SLC10A7: variants seen among roughly 807,000 people sequenced by gnomAD.
The protein encoded by SLC10A7 is sodium/bile acid cotransporter 7.
In SLC10A7, 29 loss-of-function variants were observed where a neutral mutation model predicts 43.2. The ratio of observed to expected loss-of-function variants is 0.67; its 90% CI spans 0.50 to 0.92. SLC10A7 has a LOEUF of 0.92. SLC10A7 is among the 40% of genes least tolerant of loss of function. SLC10A7 has a pLI of 0.00. For missense variants in SLC10A7, 295 were observed against 403.2 expected (o/e 0.73, Z 2.30); for synonymous variants, 152 against 144.8 (o/e 1.05, Z -0.35).
At chr4:146,275,535 T>C (rs1051757461) in intron 10 of SLC10A7, among the ~76,000 whole-genome samples, 2 of 152,160 alleles carry the variant, frequency 1.3e-5, no homozygotes, top group Non-Finnish European at 2.9e-5. Context: ...ACTTGGGAAC[T>C]TCCCTTATCT....
At chr4:146,508,013 G>A (rs894703515) in intron 3 of SLC10A7, among the ~76,000 whole-genome samples, 3 of 152,074 alleles carry the variant, frequency 2.0e-5, no homozygotes, top group African/African-American at 4.8e-5. Flanking sequence ...GTTGTTATTC[G>A]CTTGTTGAGC....
intron 5 of SLC10A7, among the ~76,000 whole-genome samples, chr4:146,352,885 C>A (rs1399223659): frequency 7.0e-6 from 1 of 143,400 alleles, no homozygotes; most frequent in Non-Finnish European, 1.5e-5. Context: ...GCATTCAAAG[C>A]AGTGTATAGA....
chr4:146,343,171 G>C (rs1028822938), intron 5 of SLC10A7, among the ~76,000 whole-genome samples: 2 of 151,892 alleles, frequency 1.3e-5, no homozygotes, highest in Non-Finnish European at 2.9e-5. Context: ...TTTTCTATTA[G>C]GTGATTTCTT....
intron 6 of SLC10A7, among the ~76,000 whole-genome samples, chr4:146,314,805 CAA>C (rs1210451184): frequency 2.0e-5 from 3 of 152,094 alleles, no homozygotes; most frequent in Non-Finnish European, 4.4e-5. Context: ...GGTAAAAACT[CAA>C]AGTGTTACTG....
rs1336562213 is a variant in SLC10A7, at chr4:146,350,950, C to A, written c.436-24954G>T. On this transcript the variant is annotated intron_variant, in intron 5 of 11. Transcript: ENST00000335472. The stretch of plus-strand genomic sequence containing the variant: ...ATGGGGAAAAAACAGAACAGAAAAA[C>A]TGGAAACTCTAAAACGCAGAGCGCC... 1.7e-3 allele frequency among the ~76,000 whole-genome samples: 244 copies of A among 147,792 alleles called. 2 individuals are homozygous for A. The highest frequency in any genetic ancestry group is 3.3e-3 in the African/African-American group (129 of 38,890).
intron 9 of SLC10A7, among the ~76,000 whole-genome samples, chr4:146,288,090 C>T (rs929840993): frequency 3.9e-5 from 6 of 152,168 alleles, no homozygotes; most frequent in Non-Finnish European, 8.8e-5. Flanking sequence ...GCTCATTGCT[C>T]TCAGTAACAC....
intron 5 of SLC10A7, among the ~76,000 whole-genome samples, chr4:146,337,714 T>C (rs1008302296): frequency 1.5e-4 from 23 of 151,820 alleles, no homozygotes; most frequent in African/African-American, 5.3e-4. Flanking sequence ...AAGAGGCTTA[T>C]AGAGACTAAC....
chr4:146,516,754 A>AT (rs896309113), intron 2 of SLC10A7, among the ~76,000 whole-genome samples: 2 of 152,116 alleles, frequency 1.3e-5, no homozygotes, highest in African/African-American at 4.8e-5. Context: ...AGTTACCACC[A>AT]TAAGTTGAGG....
chr4:146,468,958 A>G (rs1445800127), intron 4 of SLC10A7, among the ~76,000 whole-genome samples: 1 of 152,028 alleles, frequency 6.6e-6, no homozygotes, highest in Non-Finnish European at 1.5e-5. Flanking sequence ...CTCGGGGAAA[A>G]CCAAACTTGT....
chr4:146,355,086 T>A (rs1253448393), intron 5 of SLC10A7, among the ~76,000 whole-genome samples: 1 of 145,190 alleles, frequency 6.9e-6, no homozygotes, highest in Non-Finnish European at 1.5e-5. Context: ...GAAACTACCA[T>A]CAGAGTGAAC....
At chr4:146,346,473 A>C (rs1734631111) in intron 5 of SLC10A7, among the ~76,000 whole-genome samples, 1 of 152,152 alleles carries the variant, frequency 6.6e-6, no homozygotes, top group South Asian at 2.1e-4. Flanking sequence ...AAAACCTTTG[A>C]TCTTCTGAGA....
chr4:146,319,800 T>A (rs1177438532), intron 6 of SLC10A7, among the ~76,000 whole-genome samples: 2 of 151,844 alleles, frequency 1.3e-5, no homozygotes, highest in Non-Finnish European at 2.9e-5. Context: ...AATAATCCAG[T>A]AGAGAGAGAA....
At chr4:146,473,543 T>C (rs1300809893) in intron 4 of SLC10A7, among the ~76,000 whole-genome samples, 1 of 152,184 alleles carries the variant, frequency 6.6e-6, no homozygotes, top group Non-Finnish European at 1.5e-5. Flanking sequence ...GTGAATTAAA[T>C]ATAGTCTCAT....
intron 5 of SLC10A7, among the ~76,000 whole-genome samples, chr4:146,370,068 A>C (rs188506589): frequency 6.6e-6 from 1 of 152,276 alleles, no homozygotes; most frequent in Admixed American, 6.5e-5. Flanking sequence ...AATCAATTAA[A>C]ATAAAGTCAG....
intron 10 of SLC10A7, among the ~76,000 whole-genome samples, chr4:146,276,774 G>A (rs548309924): frequency 2.7e-4 from 41 of 151,946 alleles, no homozygotes; most frequent in African/African-American, 9.6e-4. Context: ...ACATAACGAA[G>A]CCCCCGTCTC....
intron 5 of SLC10A7, among the ~76,000 whole-genome samples, chr4:146,349,670 T>C (rs1444380102): frequency 2.0e-5 from 3 of 152,228 alleles, no homozygotes; most frequent in Non-Finnish European, 2.9e-5. Flanking sequence ...TATAGAATAC[T>C]ATGCAGCCAT....
intron 4 of SLC10A7, chr4:146,477,844 G>T (rs1275642430): frequency 6.6e-6 from 1 of 152,144 alleles, no homozygotes; most frequent in Non-Finnish European, 1.5e-5. Flanking sequence ...CCTAACTATT[G>T]ATGTATAATT....
At chr4:146,433,038 A>C (rs1026983339) in intron 5 of SLC10A7, among the ~76,000 whole-genome samples, 15 of 148,516 alleles carry the variant, frequency 1.0e-4, no homozygotes, top group African/African-American at 3.7e-4. Context: ...ACTCTGTCTC[A>C]AAAAAAAATC....
chr4:146,503,935 A>G lies in SLC10A7; in HGVS notation c.321-11T>C. On this transcript the variant is annotated splice_polypyrimidine_tract_variant and intron_variant, in intron 3 of 11. Coordinates refer to ENST00000335472, the MANE Select transcript of SLC10A7 (RefSeq NM_001029998.6). The stretch of plus-strand genomic sequence containing the variant: ...CCTACTGTCTGCAAACTGAAAAATA[A>G]AAGAAAATCCAACTATAAATAATTT... The G allele has an allele frequency of 2.5e-6, 4 of 1,611,964 alleles. No individual in the cohort carries two copies. Among genetic ancestry groups the G allele is most frequent in the Non-Finnish European group, 3.4e-6 (4 of 1,178,178 alleles).
Sources: allele counts gnomAD v4.1 joint callset (sites outside exome capture counted in the v4.1 genomes callset), GRCh38; gene constraint gnomAD v4.1.1; transcripts MANE v1.5; gene names NCBI Gene and HGNC (gene_info 2026-07-23, HGNC 2026-07-21).